The following FHIP1A variants were observed in gnomAD, a reference collection of about 807,000 sequenced individuals.
FHIP1A encodes the protein FHF complex subunit HOOK interacting protein 1A.
A neutral mutation model predicts 88.6 loss-of-function variants in FHIP1A; 61 were observed. The ratio of observed to expected loss-of-function variants is 0.69; its 90% CI spans 0.56 to 0.85. The LOEUF (loss-of-function observed/expected upper bound fraction) is 0.85. Ranked by LOEUF, FHIP1A falls within the 40% of genes least tolerant of loss-of-function variation. FHIP1A has a pLI of 0.00. For synonymous variants in FHIP1A, 478 were observed against 496.0 expected (o/e 0.96, Z 0.48); for missense variants, 1,154 against 1,273.5 (o/e 0.91, Z 1.43).
At chr4:151,473,209 TAGAGAA>T (rs1729587658) in intron 2 of FHIP1A, among the ~76,000 whole-genome samples, 1 of 152,162 alleles carries the variant, frequency 6.6e-6, no homozygotes, top group African/African-American at 2.4e-5. Flanking sequence ...CTAGAATCCT[TAGAGAA>T]AGGACTAAAT....
intron 3 of FHIP1A, among the ~76,000 whole-genome samples, chr4:151,538,796 A>G (rs1580683348): frequency 1.3e-5 from 2 of 152,208 alleles, no homozygotes; most frequent in East Asian, 1.9e-4. Context: ...GATGAGTTCT[A>G]TGACAAACTA....
At chr4:151,458,836 C>T (rs1429460454) in intron 2 of FHIP1A, among the ~76,000 whole-genome samples, 1 of 146,902 alleles carries the variant, frequency 6.8e-6, no homozygotes, top group Non-Finnish European at 1.5e-5. Flanking sequence ...AGTCGCTTTT[C>T]TTGGGCATAG....
intron 3 of FHIP1A, among the ~76,000 whole-genome samples, chr4:151,513,582 G>A (rs1476613857): frequency 1.3e-5 from 2 of 151,990 alleles, no homozygotes; most frequent in African/African-American, 2.4e-5. Flanking sequence ...GACACACATA[G>A]GCTCAAAATA....
At chr4:151,466,527 A>T (rs1441655077) in intron 2 of FHIP1A, among the ~76,000 whole-genome samples, 1 of 152,190 alleles carries the variant, frequency 6.6e-6, no homozygotes, top group Non-Finnish European at 1.5e-5. Flanking sequence ...AGCCAAGACA[A>T]TCCTAAGCAA....
In FHIP1A at chr4:151,668,006, T is replaced by C. The variant is rs1737726045; in HGVS notation, c.*5252T>C. 6.6e-6 allele frequency among the ~76,000 whole-genome samples: 1 copy of C among 152,188 alleles called. No individual in the cohort carries two copies. The highest frequency in any genetic ancestry group is 2.1e-4 in the South Asian group (1 of 4,832). ...GACAAGTCTATGAAAGGCCCACCTGTAACAAGGCCCCTTTTTGCCCTGTGG... is the reference window on the plus strand; with the variant it reads ...GACAAGTCTATGAAAGGCCCACCTGCAACAAGGCCCCTTTTTGCCCTGTGG... On this transcript the variant is annotated 3_prime_UTR_variant, in exon 14 of 14. Coordinates refer to ENST00000435205, the MANE Select transcript of FHIP1A (RefSeq NM_001109977.3).
intron 4 of FHIP1A, among the ~76,000 whole-genome samples, chr4:151,575,452 G>A (rs1203372097): frequency 2.0e-5 from 3 of 152,162 alleles, no homozygotes; most frequent in Admixed American, 2.0e-4. Context: ...CCAGGTGCAA[G>A]GAATCCTGGA....
intron 4 of FHIP1A, among the ~76,000 whole-genome samples, chr4:151,576,178 C>T (rs1733783965): frequency 6.6e-6 from 1 of 152,110 alleles, no homozygotes; most frequent in Admixed American, 6.6e-5. Context: ...AGGTGAGAAA[C>T]CTTCAGATGC....
At chr4:151,423,385 A>T (rs972925199) in intron 1 of FHIP1A, among the ~76,000 whole-genome samples, 4 of 152,178 alleles carry the variant, frequency 2.6e-5, no homozygotes, top group Admixed American at 6.5e-5. Context: ...TAGGGGTTAC[A>T]TGGAGGTCTT....
chr4:151,545,666 C>CT (rs1440046630), intron 3 of FHIP1A, among the ~76,000 whole-genome samples: 30 of 151,526 alleles, frequency 2.0e-4, no homozygotes, highest in Admixed American at 8.6e-4. Flanking sequence ...TGTGAGCCAC[C>CT]TCCCCCAGCC....
chr4:151,495,461 C>CA (rs1341424240), intron 3 of FHIP1A, among the ~76,000 whole-genome samples: 1 of 149,510 alleles, frequency 6.7e-6, no homozygotes, highest in Non-Finnish European at 1.5e-5. Flanking sequence ...GAGATTGTGC[C>CA]ACTGCACTCC....
chr4:151,503,730 GT>G lies in FHIP1A; in HGVS notation c.-123+21084del, dbSNP rs1258557674. On this transcript the variant is annotated intron_variant, in intron 3 of 13. Coordinates refer to ENST00000435205, the MANE Select transcript of FHIP1A (RefSeq NM_001109977.3). ...CTTCTGGCATGCTTATTCCTTTCAG[GT>G]TCCATTTAGTTCATTGCTTCTCCCC... Among the ~76,000 whole-genome samples the G allele has an allele frequency of 2.0e-5, 3 of 152,032 alleles. No individual in the cohort carries two copies. In the East Asian group the frequency reaches 5.8e-4, roughly 29 times the overall value.
chr4:151,654,105 A>G (rs1578867736), intron 11 of FHIP1A, among the ~76,000 whole-genome samples: 1 of 151,616 alleles, frequency 6.6e-6, no homozygotes, highest in Admixed American at 6.6e-5. Flanking sequence ...GAAACTAAGA[A>G]TAAAGTAGGA....
At chr4:151,546,614 G>C (rs1289293444) in intron 3 of FHIP1A, among the ~76,000 whole-genome samples, 1 of 152,192 alleles carries the variant, frequency 6.6e-6, no homozygotes, top group African/African-American at 2.4e-5. Context: ...GTTCTTCTGG[G>C]AATTCTTCCT....
chr4:151,449,385 T>C (rs932083382), intron 1 of FHIP1A, among the ~76,000 whole-genome samples: 1 of 151,786 alleles, frequency 6.6e-6, no homozygotes, highest in African/African-American at 2.4e-5. Flanking sequence ...CATCTTAAAA[T>C]TAAAATTTTT....
intron 5 of FHIP1A, among the ~76,000 whole-genome samples, chr4:151,579,365 GA>G (rs1733937921): frequency 6.6e-6 from 1 of 152,130 alleles, no homozygotes; most frequent in Non-Finnish European, 1.5e-5. Context: ...GGCTATGTGG[GA>G]TATCTCTGTA....
At chr4:151,471,285 CT>C (rs35143840) in intron 2 of FHIP1A, among the ~76,000 whole-genome samples, 49,310 of 136,126 alleles carry the variant, frequency 0.36, 9,141 homozygotes, top group Non-Finnish European at 0.43. Flanking sequence ...GGAATTGTTC[CT>C]TTTTTTTTTT....
At chr4:151,463,874 T>C (rs1729218891) in intron 2 of FHIP1A, among the ~76,000 whole-genome samples, 2 of 152,194 alleles carry the variant, frequency 1.3e-5, no homozygotes, top group Admixed American at 1.3e-4. Flanking sequence ...TTCTATTTTT[T>C]ACATTCCATT....
At chr4:151,546,342 G>A (rs1406990430) in intron 3 of FHIP1A, among the ~76,000 whole-genome samples, 1 of 152,112 alleles carries the variant, frequency 6.6e-6, no homozygotes. Flanking sequence ...TGAGGCTTTC[G>A]GACTTGGACT....
At chr4:151,585,971 C>T (rs1355189218) in intron 5 of FHIP1A, among the ~76,000 whole-genome samples, 2 of 152,012 alleles carry the variant, frequency 1.3e-5, no homozygotes, top group Non-Finnish European at 2.9e-5. Flanking sequence ...TTTATCTCTG[C>T]TTGAATCTTG....
Sources: gnomAD v4.1 joint callset for allele counts (sites outside exome capture counted in the v4.1 genomes callset) on GRCh38, gnomAD v4.1.1 for gene constraint, MANE v1.5 for transcripts, NCBI Gene and HGNC (gene_info 2026-07-23, HGNC 2026-07-21) for gene names.